The following INTS8 variants were observed in gnomAD, a reference collection of about 807,000 sequenced individuals.
The protein encoded by INTS8 is integrator complex subunit 8.
A neutral mutation model predicts 138.9 loss-of-function variants in INTS8; 47 were observed. That is an observed-to-expected ratio of 0.34 (90% CI 0.27 to 0.43). INTS8 has a LOEUF of 0.43. INTS8 is among the 20% of genes least tolerant of loss of function. INTS8 has a pLI of 1.00. For synonymous variants in INTS8, 392 were observed against 400.9 expected (o/e 0.98, Z 0.27); for missense variants, 996 against 1,173.0 (o/e 0.85, Z 2.20).
At chr8:94,867,460 T>G in intron 20 of INTS8, 123 bp downstream of exon 20, 1 of 692,120 alleles carries the variant, frequency 1.4e-6, no homozygotes, top group East Asian at 2.6e-5. Context: ...CTACAGTCTT[T>G]GTGTTTCTCT....
intron 20 of INTS8, chr8:94,868,670 C>T (rs1018422484): frequency 2.7e-5 from 4 of 145,980 alleles, no homozygotes; most frequent in Non-Finnish European, 6.1e-5. Flanking sequence ...TTTCTTTTCT[C>T]TTTTCTTTTC....
At chr8:94,854,499 T>A (rs1478129698) in intron 14 of INTS8, among the ~76,000 whole-genome samples, 1 of 152,178 alleles carries the variant, frequency 6.6e-6, no homozygotes, top group East Asian at 1.9e-4. Context: ...GTACCAAGAT[T>A]AAAAAACAAA....
chr8:94,864,812 T>A (rs1816116955), intron 16 of INTS8: 1 of 152,258 alleles, frequency 6.6e-6, no homozygotes, highest in South Asian at 2.1e-4. Context: ...CCTCCCTACA[T>A]CCTAGGTCAT....
Position 94,828,994 on chromosome 8 carries a change from GA to G in INTS8, c.543del (p.Glu182SerfsTer2). 2.5e-6 allele frequency: 4 copies of G among 1,598,160 alleles called. No individual in the cohort carries two copies. The highest frequency in any genetic ancestry group is 2.2e-5 in the East Asian group (1 of 44,546). On this transcript the variant is annotated frameshift_variant, in exon 5 of 27. Coordinates refer to ENST00000523731, the MANE Select transcript of INTS8 (RefSeq NM_017864.4). LOFTEE classifies it high-confidence loss of function. ...QLSVMNQMQQ[E>X]KELTENILKV... is the part of the protein sequence containing the mutation. ...TTTTAGTATGAATCAAATGCAACAG[GA>G]AAAAGAGCTAACAGAAAACATTTTG...
intron 14 of INTS8, among the ~76,000 whole-genome samples, chr8:94,854,172 C>T (rs1194652048): frequency 6.7e-6 from 1 of 149,748 alleles, no homozygotes; most frequent in Non-Finnish European, 1.5e-5. Flanking sequence ...CATCATTGCA[C>T]TCCGGCCTGG....
chr8:94,876,896 T>G (rs1816583716), intron 26 of INTS8, among the ~76,000 whole-genome samples: 1 of 152,180 alleles, frequency 6.6e-6, no homozygotes. Context: ...GCTTTGAAAT[T>G]TTCTCTTCCA....
intron 18 of INTS8, chr8:94,866,399 C>T: frequency 1.9e-6 from 1 of 537,304 alleles, no homozygotes; most frequent in Admixed American, 3.0e-5. Flanking sequence ...GTTAAGCAGT[C>T]CTCCTGCCTC....
At chr8:94,840,131 C>T (rs193103052) in intron 8 of INTS8, among the ~76,000 whole-genome samples, 11 of 152,266 alleles carry the variant, frequency 7.2e-5, no homozygotes, top group Admixed American at 4.6e-4. Context: ...TGTATTTCTT[C>T]GAATGGCATT....
chr8:94,869,095 G>A (rs1294594964), intron 20 of INTS8, among the ~76,000 whole-genome samples: 1 of 150,528 alleles, frequency 6.6e-6, no homozygotes, highest in Non-Finnish European at 1.5e-5. Flanking sequence ...CAATTCTCCT[G>A]CCTCAGGCTC....
chr8:94,869,351 A>G (rs1211113914), intron 20 of INTS8, among the ~76,000 whole-genome samples: 1 of 151,506 alleles, frequency 6.6e-6, no homozygotes, highest in African/African-American at 2.4e-5. Context: ...TTTTGAGACA[A>G]AGTCTCACTC....
intron 2 of INTS8, among the ~76,000 whole-genome samples, chr8:94,826,358 T>C (rs1002422013): frequency 3.3e-5 from 5 of 152,134 alleles, no homozygotes; most frequent in African/African-American, 4.8e-5. Flanking sequence ...ATTCGCTCAC[T>C]GCAAGCTCCG....
chr8:94,880,897 C>G lies in INTS8; in HGVS notation c.*663C>G, dbSNP rs1816784376. The G allele has an allele frequency of 5.0e-6, 2 of 398,758 alleles. No homozygotes were observed. 24.7% of individuals were successfully genotyped at this position (398,758 alleles called of 1,614,324 possible). A position where few individuals can be genotyped will look rare whatever the true frequency, so the allele number is the denominator to read the frequency against. On this transcript the variant is annotated 3_prime_UTR_variant, in exon 27 of 27. Transcript: ENST00000523731. Reference sequence around the variant, plus strand: ...GGTTATTACCAAGCAACCTACATGTCAAGAAAGCCCCAGTTAGGAAGGAGC... The same window carrying G: ...GGTTATTACCAAGCAACCTACATGTGAAGAAAGCCCCAGTTAGGAAGGAGC...
intron 10 of INTS8, among the ~76,000 whole-genome samples, chr8:94,843,079 A>G (rs565908129): frequency 6.6e-6 from 1 of 152,264 alleles, no homozygotes; most frequent in East Asian, 1.9e-4. Flanking sequence ...GGCTTTTGTG[A>G]TCATAATTTT....
intron 14 of INTS8, among the ~76,000 whole-genome samples, chr8:94,855,339 T>A (rs922504603): frequency 6.6e-6 from 1 of 152,244 alleles, no homozygotes; most frequent in Non-Finnish European, 1.5e-5. Context: ...TGCATTCTTT[T>A]GAAAATGTAT....
intron 10 of INTS8, among the ~76,000 whole-genome samples, chr8:94,843,779 A>T (rs1344978973): frequency 6.6e-6 from 1 of 152,150 alleles, no homozygotes; most frequent in Non-Finnish European, 1.5e-5. Context: ...AGGGAATAAT[A>T]TATCTGCAAC....
chr8:94,831,482 C>CTTTTTTTT (rs11482467), intron 5 of INTS8, among the ~76,000 whole-genome samples: 1 of 121,584 alleles, frequency 8.2e-6, no homozygotes, highest in African/African-American at 3.1e-5. Flanking sequence ...TTGTCTTTTT[C>CTTTTTTTT]TTTTTTTTTT....
Position 94,874,605 on chromosome 8 carries a change from T to G in INTS8, c.2688+3T>G. On this transcript the variant is annotated splice_donor_region_variant and intron_variant, in intron 23 of 26. Coordinates refer to ENST00000523731, the MANE Select transcript of INTS8 (RefSeq NM_017864.4). ...CTTTGCTGAATTGCCACACACAGGT[T>G]AGTTTATAATATTATGAAGTTGTTT... 6.5e-7 allele frequency: 1 copy of G among 1,535,972 alleles called. No homozygotes were observed. The highest frequency in any genetic ancestry group is 1.7e-5 in the Admixed American group (1 of 59,656).
At chr8:94,852,178 A>G (rs1815570651) in intron 13 of INTS8, among the ~76,000 whole-genome samples, 1 of 151,664 alleles carries the variant, frequency 6.6e-6, no homozygotes. Context: ...CCTGACCACC[A>G]GTGATCTACC....
At chr8:94,859,907 C>T (rs548674558) in intron 16 of INTS8, 2 of 322,170 alleles carry the variant, frequency 6.2e-6, no homozygotes, top group South Asian at 3.7e-5. Flanking sequence ...ATGAGAGATT[C>T]GCTTTCTTTG....
Sources: allele counts gnomAD v4.1 joint callset (sites outside exome capture counted in the v4.1 genomes callset), GRCh38; gene constraint gnomAD v4.1.1; transcripts MANE v1.5; gene names NCBI Gene and HGNC (gene_info 2026-07-23, HGNC 2026-07-21).